Variants in RALGPS2 observed in about 807,000 individuals in gnomAD.
RALGPS2 encodes the protein ras-specific guanine nucleotide-releasing factor RalGPS2.
Under a neutral mutation model 86.8 loss-of-function variants are expected in RALGPS2, and 43 were observed. The observed-to-expected ratio is 0.50, with a 90% CI of 0.39 to 0.64. The LOEUF (loss-of-function observed/expected upper bound fraction) is 0.64, where lower values mean the gene tolerates loss of function less well. RALGPS2 is among the 30% of genes least tolerant of loss of function. The pLI, the probability that RALGPS2 is intolerant of heterozygous loss-of-function variation, is 0.00. For synonymous variants in RALGPS2, 243 were observed against 231.3 expected (o/e 1.05, Z -0.46); for missense variants, 536 against 694.6 (o/e 0.77, Z 2.57).
intron 8 of RALGPS2, among the ~76,000 whole-genome samples, chr1:178,858,750 A>G (rs1040737174): frequency 3.3e-5 from 5 of 152,162 alleles, no homozygotes; most frequent in Middle Eastern, 3.2e-3. Flanking sequence ...AAGAACCCAT[A>G]TTTTGAATAG....
intron 8 of RALGPS2, chr1:178,853,761 T>C (rs1000561357): frequency 2.5e-6 from 4 of 1,603,918 alleles, no homozygotes; most frequent in Non-Finnish European, 3.4e-6. Context: ...CCAGCTTCTT[T>C]TGCTTGCTGA....
intron 13 of RALGPS2, among the ~76,000 whole-genome samples, chr1:178,889,380 T>C (rs1485927417): frequency 6.6e-6 from 1 of 152,060 alleles, no homozygotes; most frequent in Non-Finnish European, 1.5e-5. Flanking sequence ...ATTGACATAA[T>C]GAATTTCAGC....
At chr1:178,837,676 G>A (rs1656346759) in intron 8 of RALGPS2, among the ~76,000 whole-genome samples, 1 of 149,092 alleles carries the variant, frequency 6.7e-6, no homozygotes, top group Non-Finnish European at 1.5e-5. Context: ...GGGCTTGTCG[G>A]ACAGTGGGTG....
intron 4 of RALGPS2, among the ~76,000 whole-genome samples, chr1:178,800,464 C>T (rs1432418533): frequency 1.3e-5 from 2 of 152,052 alleles, no homozygotes; most frequent in African/African-American, 2.4e-5. Flanking sequence ...CATGAAGATG[C>T]AAGGATGAAG....
intron 1 of RALGPS2, among the ~76,000 whole-genome samples, chr1:178,754,243 T>TAA (rs1401487004): frequency 1.3e-5 from 2 of 150,778 alleles, no homozygotes; most frequent in Non-Finnish European, 3.0e-5. Context: ...ATTATATATA[T>TAA]AATCCTTATA....
At chr1:178,881,935 C>T (rs903120734) in intron 10 of RALGPS2, among the ~76,000 whole-genome samples, 1 of 152,046 alleles carries the variant, frequency 6.6e-6, no homozygotes, top group Admixed American at 6.5e-5. Flanking sequence ...TTACAAAAGG[C>T]CTGTTTTGGG....
intron 1 of RALGPS2, among the ~76,000 whole-genome samples, chr1:178,727,133 T>C (rs763998010): frequency 2.0e-5 from 3 of 152,232 alleles, no homozygotes; most frequent in Non-Finnish European, 4.4e-5. Flanking sequence ...GGATAAACAA[T>C]TTCAGTGTAT....
Position 178,897,693 on chromosome 1 carries a change from T to C in RALGPS2, c.1461T>C (p.Ala487=), listed in dbSNP as rs983163366. ...TVASWTKYWA[A]LCGTQLFYYA... Reference sequence around the variant, plus strand: ...CATCTTGGACAAAATATTGGGCAGCTTTGTGTGGGACACAGCTTTTTTACT... The same window carrying C: ...CATCTTGGACAAAATATTGGGCAGCCTTGTGTGGGACACAGCTTTTTTACT... Residue 487 remains alanine (A), a synonymous_variant, in exon 17 of 20, where the codon GCT becomes GCC. Coordinates refer to ENST00000367635, the MANE Select transcript of RALGPS2 (RefSeq NM_152663.5). The C allele has an allele frequency of 1.2e-6, 2 of 1,612,644 alleles. No homozygotes were observed. The highest frequency in any genetic ancestry group is 1.7e-6 in the Non-Finnish European group (2 of 1,179,042).
chr1:178,882,231 CTATT>C (rs1399737263), intron 10 of RALGPS2, among the ~76,000 whole-genome samples: 2 of 152,136 alleles, frequency 1.3e-5, no homozygotes, highest in Non-Finnish European at 2.9e-5. Flanking sequence ...CTGTTCCTTT[CTATT>C]TTGGTGCCAT....
intron 4 of RALGPS2, among the ~76,000 whole-genome samples, chr1:178,805,853 G>A (rs1044428400): frequency 5.9e-5 from 9 of 152,134 alleles, no homozygotes; most frequent in Middle Eastern, 3.4e-3. Context: ...GAGCTAAAAT[G>A]TACTTTAGTT....
intron 7 of RALGPS2, among the ~76,000 whole-genome samples, chr1:178,828,872 A>C (rs544020151): frequency 4.6e-5 from 7 of 152,306 alleles, no homozygotes; most frequent in Admixed American, 2.6e-4. Flanking sequence ...AGATTCCCCC[A>C]AAAATAATAA....
At chr1:178,901,596 TAAG>T (rs1660175605) in intron 17 of RALGPS2, among the ~76,000 whole-genome samples, 1 of 150,710 alleles carries the variant, frequency 6.6e-6, no homozygotes, top group Admixed American at 6.6e-5. Context: ...AAAATACAAG[TAAG>T]AATATTGTCA....
chr1:178,791,080 A>G (rs1007125503), intron 4 of RALGPS2, among the ~76,000 whole-genome samples: 1 of 152,192 alleles, frequency 6.6e-6, no homozygotes, highest in Non-Finnish European at 1.5e-5. Context: ...AAAAGTATAC[A>G]TATACTTTAT....
intron 1 of RALGPS2, among the ~76,000 whole-genome samples, chr1:178,743,694 G>A (rs1484553248): frequency 6.6e-6 from 1 of 152,048 alleles, no homozygotes; most frequent in Non-Finnish European, 1.5e-5. Context: ...AGATATAAAA[G>A]GATAACAGGA....
chr1:178,792,165 A>G (rs990402419), intron 4 of RALGPS2, among the ~76,000 whole-genome samples: 3 of 152,214 alleles, frequency 2.0e-5, no homozygotes, highest in Non-Finnish European at 2.9e-5. Context: ...ATGATAGAGA[A>G]GACAGGCAAA....
Position 178,833,524 on chromosome 1 carries a change from A to C in RALGPS2, c.581A>C (p.Lys194Thr). The part of the protein sequence containing the change: ...KRLRDYISSL[K>T]MTPCIPYLGI... The stretch of plus-strand genomic sequence containing the variant: ...CTCAGAGACTATATAAGTAGCTTAA[A>C]GATGACACCTTGCATTCCCTATTTA... Residue 194 changes from lysine (K) to threonine (T), a missense_variant, in exon 8 of 20, where the codon AAG (lysine) becomes ACG (threonine). Physicochemically the swap from Lys to Thr is moderately conservative, Grantham distance 78. Coordinates refer to ENST00000367635, the MANE Select transcript of RALGPS2 (RefSeq NM_152663.5). The C allele has an allele frequency of 6.5e-7, 1 of 1,531,360 alleles. No individual in the cohort carries two copies. Among genetic ancestry groups the C allele is most frequent in the Non-Finnish European group, 8.7e-7 (1 of 1,151,268 alleles). 94.9% of individuals were successfully genotyped at this position (1,531,360 alleles called of 1,614,324 possible). A position where few individuals can be genotyped will look rare whatever the true frequency, so the allele number is the denominator to read the frequency against.
At chr1:178,878,861 G>A in intron 9 of RALGPS2, 41 bp from the exon 10 acceptor site, 1 of 1,600,484 alleles carries the variant, frequency 6.2e-7, no homozygotes, top group Non-Finnish European at 8.5e-7. Flanking sequence ...TTCTGGTTAA[G>A]ATGTACTTTA....
chr1:178,765,638 G>A (rs1048250149), intron 1 of RALGPS2, among the ~76,000 whole-genome samples: 5 of 152,174 alleles, frequency 3.3e-5, no homozygotes, highest in Admixed American at 2.0e-4. Flanking sequence ...AAATTTATTA[G>A]GCGGGAATTT....
chr1:178,779,363 C>CTTA (rs1653267088), intron 2 of RALGPS2, among the ~76,000 whole-genome samples: 2 of 152,040 alleles, frequency 1.3e-5, no homozygotes, highest in African/African-American at 4.8e-5. Flanking sequence ...TTATTTTTCT[C>CTTA]TTAGTATATT....
Sources: allele counts gnomAD v4.1 joint callset (sites outside exome capture counted in the v4.1 genomes callset), GRCh38; gene constraint gnomAD v4.1.1; transcripts MANE v1.5; gene names NCBI Gene and HGNC (gene_info 2026-07-23, HGNC 2026-07-21).